GPR132: variants seen among roughly 807,000 people sequenced by gnomAD.
The protein encoded by GPR132 is G protein-coupled receptor 132, also known as probable G protein-coupled receptor 132.
GPR132 carries 4 observed loss-of-function variants against 1.9 expected under a neutral mutation model. That is an observed-to-expected ratio of 2.13 (90% CI 1.05 to 4.87). The LOEUF is 4.87. Ranked by LOEUF, GPR132 falls within the 30% of genes most tolerant of loss-of-function variation. The pLI, the probability that GPR132 is intolerant of heterozygous loss-of-function variation, is 0.01. For synonymous variants in GPR132, 233 were observed against 234.2 expected, an observed-to-expected ratio of 0.99 and a Z score of 0.05; for missense variants, 404 against 512.5, an observed-to-expected ratio of 0.79 and a Z score of 2.04.
intron 1 of GPR132, among the ~76,000 whole-genome samples, chr14:105,064,973 G>A (rs1887046374): frequency 6.6e-6 from 1 of 152,004 alleles, no homozygotes. Context: ...ACAGAGAGAA[G>A]CCCAGCCCTT....
chr14:105,051,072 G>T lies in GPR132; in HGVS notation c.1065C>A (p.Asp355Glu), dbSNP rs761849316. The change falls in exon 4 of 4, where the codon GAC becomes GAA. Residue 355 changes from aspartate to glutamate, a missense_variant. By Grantham distance (45) the Asp-to-Glu change is conservative. Coordinates refer to ENST00000329797, the MANE Select transcript of GPR132 (RefSeq NM_013345.4). This position sits in a 1 kb window ranked among gnomAD's most constrained non-coding sequence, Gnocchi z 8.0. The stretch of plus-strand genomic sequence containing the variant: ...GCACGGGCCTGGAGAAGGTGTAGTG[G>T]TCTGCAAGGGCCACGGGCGACTGCA... ...EELQSPVALADHYTFSRPVHP... is the reference protein window; with the variant it reads ...EELQSPVALAEHYTFSRPVHP... The T allele has an allele frequency of 9.9e-6, 16 of 1,614,038 alleles. No homozygotes were observed. Among genetic ancestry groups the T allele is most frequent in the African/African-American group, 1.3e-5 (1 of 74,928 alleles).
rs182321157 is a variant in GPR132, at chr14:105,055,341, G to C, written c.34+46C>G. 1 of 780,626 alleles carries C rather than the reference G, an allele frequency of 1.3e-6. No homozygotes were observed. Among genetic ancestry groups the C allele is most frequent in the African/African-American group, 1.7e-5 (1 of 59,240 alleles). 48.4% of individuals were successfully genotyped at this position (780,626 alleles called of 1,614,324 possible). A position where few individuals can be genotyped will look rare whatever the true frequency, so the allele number is the denominator to read the frequency against. On this transcript the variant is annotated intron_variant, in intron 3 of 3. Transcript: ENST00000329797. This position sits in a 1 kb window ranked among gnomAD's most constrained non-coding sequence, Gnocchi z 4.7. ...GACTCAATCGCAAGAAAAAAAAATT[G>C]AAAAAGTGGAAAATTGTGGCAAAAT...
rs963675510 is a variant in GPR132 at position 105,056,541 on chromosome 14, G to A, written c.-746-375C>T. ...CCTCAGCCTGCACAGAGCCGCTCTG[G>A]TCTGTTCCCTCCCCGACTTCCTACG... On this transcript the variant is annotated intron_variant, in intron 2 of 3. Transcript: ENST00000329797. This position sits in a 1 kb window ranked among gnomAD's most constrained non-coding sequence, Gnocchi z 6.0. Among the ~76,000 whole-genome samples the A allele has an allele frequency of 2.0e-5, 3 of 152,206 alleles. No individual in the cohort carries two copies. Among genetic ancestry groups the A allele is most frequent in the Non-Finnish European group, 2.9e-5 (2 of 68,032 alleles).
rs367916235 is a variant in GPR132 at position 105,058,738 on chromosome 14, G to A, written c.-860-1458C>T. Among the ~76,000 whole-genome samples the A allele has an allele frequency of 2.0e-5, 3 of 152,258 alleles. No individual in the cohort carries two copies. In the South Asian group the frequency reaches 6.2e-4, roughly 31 times the overall value. On this transcript the variant is annotated intron_variant, in intron 1 of 3. Coordinates refer to ENST00000329797, the MANE Select transcript of GPR132 (RefSeq NM_013345.4). ...CCCGGAGGAGGGAGGCATGATGGGCGGGCAGCAGATGGCTCAGGGCATGCA... is the reference window on the plus strand; with the variant it reads ...CCCGGAGGAGGGAGGCATGATGGGCAGGCAGCAGATGGCTCAGGGCATGCA...
At chr14:105,058,893 C>G (rs1419269545) in intron 1 of GPR132, among the ~76,000 whole-genome samples, 1 of 152,252 alleles carries the variant, frequency 6.6e-6, no homozygotes, top group Admixed American at 6.5e-5. Context: ...TAAACCCATC[C>G]TCAGATGGTG....
chr14:105,050,992 G>A lies in GPR132; in HGVS notation c.*2C>T. 1 of 1,607,586 alleles carries A rather than the reference G, an allele frequency of 6.2e-7. No individual in the cohort carries two copies. Among genetic ancestry groups the A allele is most frequent in the South Asian group, 1.1e-5 (1 of 90,954 alleles). On this transcript the variant is annotated 3_prime_UTR_variant, in exon 4 of 4. Transcript: ENST00000329797. The surrounding 1 kb of genome is among the most constrained non-coding windows in gnomAD (Gnocchi z 4.0). ...CTGCCATCCCCCTGCCACACAGTGG[G>A]CTCAGCAGGACTCCTCAATCAGCCT...
Position 105,051,314 on chromosome 14 carries a change from C to A in GPR132, c.823G>T (p.Asp275Tyr). Residue 275 changes from aspartate (D) to tyrosine (Y), a missense_variant, in exon 4 of 4, where the codon GAC becomes TAC. Asp to Tyr is a radical substitution (Grantham distance 160). Transcript: ENST00000329797. The surrounding 1 kb of genome is among the most constrained non-coding windows in gnomAD (Gnocchi z 8.0). ...KAAAFSYYRGDRNAMCGLEER... is the reference protein window; with the variant it reads ...KAAAFSYYRGYRNAMCGLEER... ...TCCAAGCCGCACATGGCGTTCCTGT[C>A]TCCTCTGTAGTAGGAAAAGGCAGCG... 6.2e-7 allele frequency: 1 copy of A among 1,614,088 alleles called. No individual in the cohort carries two copies. The highest frequency in any genetic ancestry group is 8.5e-7 in the Non-Finnish European group (1 of 1,179,904).
rs558631499 is a variant in GPR132, at chr14:105,051,130, G to A, written c.1007C>T (p.Thr336Ile). ...GGTGTCCCTGCTGTGGGTGAGCCTG[G>A]TGACGTCTGTCTTCATGGACCACTC... ...WKEWSMKTDV[T>I]RLTHSRDTEE... Residue 336 changes from threonine to isoleucine, a missense_variant, in exon 4 of 4, where the codon ACC becomes ATC. By Grantham distance (89) the Thr-to-Ile change is moderately conservative (BLOSUM62 -1). Coordinates refer to ENST00000329797, the MANE Select transcript of GPR132 (RefSeq NM_013345.4). This position sits in a 1 kb window ranked among gnomAD's most constrained non-coding sequence, Gnocchi z 8.0. The A allele has an allele frequency of 1.9e-6, 3 of 1,614,160 alleles. No individual in the cohort carries two copies. The highest frequency in any genetic ancestry group is 2.7e-5 in the African/African-American group (2 of 75,014).
rs35863392 is a variant in GPR132 at position 105,055,023 on chromosome 14, C to CAA, written c.34+362_34+363dup. Among the ~76,000 whole-genome samples, 3 of 91,288 alleles carry CAA rather than the reference C, an allele frequency of 3.3e-5. No individual in the cohort carries two copies. Among genetic ancestry groups the CAA allele is most frequent in the East Asian group, 2.9e-4 (1 of 3,418 alleles). The allele number at this position is 91,288 out of a possible 152,430, so 59.9% of individuals were successfully genotyped here. On this transcript the variant is annotated intron_variant, in intron 3 of 3. Coordinates refer to ENST00000329797, the MANE Select transcript of GPR132 (RefSeq NM_013345.4). This position sits in a 1 kb window ranked among gnomAD's most constrained non-coding sequence, Gnocchi z 4.7. ...AGGGCAACAGAGCAAGACTCCATCT[C>CAA]AAAAAAAAAAAAAAAAAAAAAATTC...
rs1034394778 is a variant in GPR132 at position 105,056,555 on chromosome 14, C to G, written c.-746-389G>C. Among the ~76,000 whole-genome samples, 3 of 152,226 alleles carry G rather than the reference C, an allele frequency of 2.0e-5. No homozygotes were observed. The highest frequency in any genetic ancestry group is 1.5e-5 in the Non-Finnish European group (1 of 68,032). ...GAGCCGCTCTGGTCTGTTCCCTCCC[C>G]GACTTCCTACGGCTCCCCCACCCCA... is the stretch of plus-strand genomic sequence containing the variant. On this transcript the variant is annotated intron_variant, in intron 2 of 3. Transcript: ENST00000329797. This position sits in a 1 kb window ranked among gnomAD's most constrained non-coding sequence, Gnocchi z 6.0.
intron 1 of GPR132, among the ~76,000 whole-genome samples, chr14:105,062,601 C>A (rs1411499980): frequency 1.5e-5 from 2 of 134,438 alleles, no homozygotes; most frequent in Admixed American, 8.7e-5. Flanking sequence ...AGTAAAGTGG[C>A]GCGATCTTGG....
rs143666172 is a variant in GPR132 at position 105,051,804 on chromosome 14, G to A, written c.333C>T (p.Gly111=). 582 of 1,614,044 alleles carry A rather than the reference G, an allele frequency of 3.6e-4. No individual in the cohort carries two copies. Among genetic ancestry groups the A allele is most frequent in the Middle Eastern group, 9.9e-4 (6 of 6,084 alleles). Residue 111 remains glycine, a synonymous_variant, in exon 4 of 4, where the codon GGC becomes GGT. Transcript: ENST00000329797. The surrounding 1 kb of genome is among the most constrained non-coding windows in gnomAD (Gnocchi z 8.0). ...AGGCGGTCACCTTGCAGGCCAGCAG[G>A]CCTAGGGTCCAGCGGTGCTGGTTGC... The part of the protein sequence containing the change: ...YIRNQHRWTL[G]LLACKVTAYI...
rs139938304 is a variant in GPR132 at position 105,055,698 on chromosome 14, C to T, written c.-278G>A. The T allele has an allele frequency of 3.9e-6, 2 of 513,414 alleles. No homozygotes were observed. The highest frequency in any genetic ancestry group is 3.8e-5 in the African/African-American group (2 of 53,042). 31.8% of individuals were successfully genotyped at this position (513,414 alleles called of 1,614,324 possible). ...TGCAGCGTGTGCCAGGATTTCCCTT[C>T]CTTTCAAAGGCGGGATGGTATTCCA... is the stretch of plus-strand genomic sequence containing the variant. On this transcript the variant is annotated 5_prime_UTR_variant, in exon 3 of 4. Transcript: ENST00000329797. This position sits in a 1 kb window ranked among gnomAD's most constrained non-coding sequence, Gnocchi z 4.7.
Position 105,052,121 on chromosome 14 carries a change from A to C in GPR132, c.35-19T>G, listed in dbSNP as rs567021930. On this transcript the variant is annotated intron_variant, in intron 3 of 3. Transcript: ENST00000329797. ...GCGTTTCCTGTGGGACAGAGACAAG[A>C]GTGAGGACGGGAGTCCCTGGAAACC... 2.6e-6 allele frequency: 4 copies of C among 1,535,452 alleles called. No homozygotes were observed. The highest frequency in any genetic ancestry group is 1.7e-4 in the Middle Eastern group (1 of 5,736).
At chr14:105,052,222 T>A in intron 3 of GPR132, 120 bp from the exon 4 acceptor site, 1 of 735,606 alleles carries the variant, frequency 1.4e-6, no homozygotes, top group Non-Finnish European at 2.1e-6. Context: ...CGCAGGTGTT[T>A]AAAACATTTC....
chr14:105,055,274 C>A lies in GPR132; in HGVS notation c.34+113G>T, dbSNP rs1886759307. 1 of 758,242 alleles carries A rather than the reference C, an allele frequency of 1.3e-6. No homozygotes were observed. Among genetic ancestry groups the A allele is most frequent in the African/African-American group, 1.7e-5 (1 of 58,500 alleles). The allele number at this position is 758,242 out of a possible 1,614,324, so 47.0% of individuals were successfully genotyped here. A position where few individuals can be genotyped will look rare whatever the true frequency, so the allele number is the denominator to read the frequency against. The stretch of plus-strand genomic sequence containing the variant: ...CCTGGGAGGCAGAAGCTGCAGTGAG[C>A]CGAGATTGTGCCACTGCACTCCAGC... On this transcript the variant is annotated intron_variant, in intron 3 of 3. Transcript: ENST00000329797. The surrounding 1 kb of genome is among the most constrained non-coding windows in gnomAD (Gnocchi z 4.7).
At chr14:105,062,514 T>G (rs567399660) in intron 1 of GPR132, among the ~76,000 whole-genome samples, 4 of 151,424 alleles carry the variant, frequency 2.6e-5, no homozygotes, top group East Asian at 2.0e-4. Flanking sequence ...TGCCTTTTCT[T>G]TCTTTTCTTT....
Position 105,050,682 on chromosome 14 carries a change from C to G in GPR132, c.*312G>C. 4.5e-6 allele frequency: 2 copies of G among 445,366 alleles called. No individual in the cohort carries two copies. The highest frequency in any genetic ancestry group is 4.1e-6 in the Non-Finnish European group (1 of 245,508). The allele number at this position is 445,366 out of a possible 1,614,324, so 27.6% of individuals were successfully genotyped here. A position where few individuals can be genotyped will look rare whatever the true frequency, so the allele number is the denominator to read the frequency against. ...GGCAGCCACCAGGTACCTCTGCCAGCAGGCGTGCTACCTGCCCACAGCCAA... is the reference window on the plus strand; with the variant it reads ...GGCAGCCACCAGGTACCTCTGCCAGGAGGCGTGCTACCTGCCCACAGCCAA... On this transcript the variant is annotated 3_prime_UTR_variant, in exon 4 of 4. Coordinates refer to ENST00000329797, the MANE Select transcript of GPR132 (RefSeq NM_013345.4). This position sits in a 1 kb window ranked among gnomAD's most constrained non-coding sequence, Gnocchi z 4.0.
intron 2 of GPR132, 90 bp downstream of exon 2, chr14:105,057,077 T>A: frequency 2.2e-6 from 2 of 911,474 alleles, no homozygotes; most frequent in Non-Finnish European, 1.7e-6. Context: ...TTTTTATGCG[T>A]TAATTTTTGA....
Sources: gnomAD v4.1 joint callset for allele counts (sites outside exome capture counted in the v4.1 genomes callset) on GRCh38, gnomAD v4.1.1 for gene constraint, Gnocchi (gnomAD v3.1) non-coding constraint, MANE v1.5 for transcripts, NCBI Gene and HGNC (gene_info 2026-07-23, HGNC 2026-07-21) for gene names.